The following PGR variants were observed in gnomAD, a reference collection of about 807,000 sequenced individuals.
The protein encoded by PGR is progesterone receptor.
In PGR, 25 loss-of-function variants were observed where a neutral mutation model predicts 76.1. The ratio of observed to expected loss-of-function variants is 0.33; its 90% CI spans 0.24 to 0.46. The LOEUF (loss-of-function observed/expected upper bound fraction) is 0.46. Among genes scored for constraint, PGR ranks in the 20% least tolerant of loss-of-function variants. The pLI is 1.00. For missense variants in PGR, 1,172 were observed against 1,225.3 expected (o/e 0.96, Z 0.65); for synonymous variants, 579 against 535.0 (o/e 1.08, Z -1.14).
At chr11:101,118,993 G>A (rs1485492407) in intron 2 of PGR, among the ~76,000 whole-genome samples, 4 of 152,148 alleles carry the variant, frequency 2.6e-5, no homozygotes, top group Non-Finnish European at 4.4e-5. Context: ...TGGATGGTGT[G>A]GGATGGTTTC....
chr11:101,070,895 C>T (rs865933087), intron 3 of PGR, among the ~76,000 whole-genome samples: 2 of 152,342 alleles, frequency 1.3e-5, no homozygotes, highest in Non-Finnish European at 2.9e-5. Context: ...GTGGGCGCAG[C>T]TTCAGCAGAC....
intron 4 of PGR, among the ~76,000 whole-genome samples, chr11:101,057,786 C>G (rs1034388059): frequency 1.3e-5 from 2 of 152,004 alleles, no homozygotes. Flanking sequence ...GGTGCCATTT[C>G]AAGATACTGG....
rs925886136 is a variant in PGR, at chr11:101,036,662, G to C, written c.*2454C>G. 1.5e-5 allele frequency: 3 copies of C among 200,462 alleles called. No individual in the cohort carries two copies. The highest frequency in any genetic ancestry group is 6.9e-5 in the African/African-American group (3 of 43,492). 12.4% of individuals were successfully genotyped at this position (200,462 alleles called of 1,614,324 possible). On this transcript the variant is annotated 3_prime_UTR_variant, in exon 8 of 8. Coordinates refer to ENST00000325455, the MANE Select transcript of PGR (RefSeq NM_000926.4). ...AAAGGTACTTTATTTTTAAAGCTTAGCCTTAAATATTAAATCCTAGTGTTT... is the reference window on the plus strand; with the variant it reads ...AAAGGTACTTTATTTTTAAAGCTTACCCTTAAATATTAAATCCTAGTGTTT...
intron 6 of PGR, among the ~76,000 whole-genome samples, chr11:101,044,316 T>C (rs997772200): frequency 6.6e-6 from 1 of 152,210 alleles, no homozygotes; most frequent in Non-Finnish European, 1.5e-5. Context: ...CAAACTTTTT[T>C]CTGCTCCTTC....
At chr11:101,047,618 A>G (rs1422741960) in intron 6 of PGR, among the ~76,000 whole-genome samples, 2 of 151,994 alleles carry the variant, frequency 1.3e-5, no homozygotes, top group African/African-American at 4.8e-5. Context: ...GAGATTTGGG[A>G]CCTTAGAAAG....
chr11:101,126,617 TAAGC>T (rs1180839040), intron 1 of PGR, among the ~76,000 whole-genome samples: 4 of 152,216 alleles, frequency 2.6e-5, no homozygotes, highest in African/African-American at 9.6e-5. Flanking sequence ...ATTGCTTACT[TAAGC>T]AAGTATATGT....
chr11:101,125,738 C>A (rs1862819029), intron 2 of PGR, among the ~76,000 whole-genome samples: 1 of 152,008 alleles, frequency 6.6e-6, no homozygotes, highest in African/African-American at 2.4e-5. Flanking sequence ...AGTTAAGGAA[C>A]AATAGTAGCA....
At chr11:101,113,876 A>T (rs149510098) in intron 2 of PGR, among the ~76,000 whole-genome samples, 1 of 152,158 alleles carries the variant, frequency 6.6e-6, no homozygotes, top group Non-Finnish European at 1.5e-5. Flanking sequence ...TCCTTGCCCC[A>T]GCTGCTAGCC....
intron 3 of PGR, among the ~76,000 whole-genome samples, chr11:101,071,164 A>C (rs1387725976): frequency 6.6e-6 from 1 of 152,170 alleles, no homozygotes; most frequent in Non-Finnish European, 1.5e-5. Flanking sequence ...AGAGTCCGCT[A>C]GTGATACCCA....
At chr11:101,041,788 ACAC>A in intron 7 of PGR, 154 bp downstream of exon 7, 4 of 645,194 alleles carry the variant, frequency 6.2e-6, no homozygotes, top group Non-Finnish European at 7.9e-6. Context: ...TGAAAAAAAA[ACAC>A]AATAAAAAGT....
In PGR at chr11:101,129,023, G is replaced by A. The variant is rs775718445; in HGVS notation, c.48C>T (p.Gly16=). The A allele has an allele frequency of 3.2e-6, 5 of 1,565,242 alleles. No homozygotes were observed. Among genetic ancestry groups the A allele is most frequent in the African/African-American group, 1.4e-5 (1 of 73,836 alleles). Residue 16 remains glycine, a synonymous_variant, in exon 1 of 8, where the codon GGC becomes GGT. Transcript: ENST00000325455. ...ATCCGACCTCGGGGGAGGGCGGGCCGCCCGCCACGTGGGGAGCCCGGGGAC... is the reference window on the plus strand; with the variant it reads ...ATCCGACCTCGGGGGAGGGCGGGCCACCCGCCACGTGGGGAGCCCGGGGAC... ...AKGPRAPHVA[G]GPPSPEVGSP...
At chr11:101,090,081 C>T (rs1861628973) in intron 3 of PGR, among the ~76,000 whole-genome samples, 1 of 151,840 alleles carries the variant, frequency 6.6e-6, no homozygotes, top group Admixed American at 6.6e-5. Context: ...GCCTATGATA[C>T]CAGCTACTTG....
At chr11:101,071,045 G>T (rs545737608) in intron 3 of PGR, among the ~76,000 whole-genome samples, 1 of 152,282 alleles carries the variant, frequency 6.6e-6, no homozygotes, top group South Asian at 2.1e-4. Context: ...CTCCCAGCAG[G>T]GGTCGACAGA....
At chr11:101,098,377 A>T (rs570467032) in intron 2 of PGR, among the ~76,000 whole-genome samples, 1 of 152,276 alleles carries the variant, frequency 6.6e-6, no homozygotes, top group East Asian at 1.9e-4. Flanking sequence ...AAAGAAGGGG[A>T]AAATACATAG....
At chr11:101,103,590 T>C (rs1862061171) in intron 2 of PGR, among the ~76,000 whole-genome samples, 1 of 152,202 alleles carries the variant, frequency 6.6e-6, no homozygotes, top group African/African-American at 2.4e-5. Flanking sequence ...TAAGAATATA[T>C]GTTATCTTCA....
intron 3 of PGR, among the ~76,000 whole-genome samples, chr11:101,073,515 C>T (rs1861017276): frequency 6.7e-6 from 1 of 149,894 alleles, no homozygotes; most frequent in Non-Finnish European, 1.5e-5. Context: ...ATGAAAAACC[C>T]TTAAAAAAAA....
intron 6 of PGR, among the ~76,000 whole-genome samples, chr11:101,047,822 CT>C (rs1399378331): frequency 1.3e-5 from 2 of 152,058 alleles, no homozygotes; most frequent in Non-Finnish European, 2.9e-5. Flanking sequence ...CACCCAGACC[CT>C]TGGGGATCCA....
chr11:101,031,590 C>G lies in PGR; in HGVS notation c.*7526G>C, dbSNP rs1192055047. ...TCACAATGTTCTACTGAGAATTTAG[C>G]TTTTTTTTTTTTTTTGGAGTGGGTA... On this transcript the variant is annotated 3_prime_UTR_variant, in exon 8 of 8. Transcript: ENST00000325455. The G allele has an allele frequency of 5.7e-6, 1 of 175,692 alleles. No individual in the cohort carries two copies. Among genetic ancestry groups the G allele is most frequent in the Non-Finnish European group, 1.2e-5 (1 of 86,458 alleles). The allele number at this position is 175,692 out of a possible 1,614,324, so 10.9% of individuals were successfully genotyped here.
chr11:101,069,143 G>C (rs369928935), intron 3 of PGR, among the ~76,000 whole-genome samples: 1 of 151,798 alleles, frequency 6.6e-6, no homozygotes, highest in Non-Finnish European at 1.5e-5. Flanking sequence ...AATATCCAGA[G>C]TCTACAGGGA....
Sources: allele counts gnomAD v4.1 joint callset (sites outside exome capture counted in the v4.1 genomes callset), GRCh38; gene constraint gnomAD v4.1.1; transcripts MANE v1.5; gene names NCBI Gene and HGNC (gene_info 2026-07-23, HGNC 2026-07-21).